The following MAPK10 variants were observed in gnomAD, a reference collection of about 807,000 sequenced individuals.
MAPK10 encodes mitogen-activated protein kinase 10, also known as JNK3 alpha protein kinase.
MAPK10 carries 25 observed loss-of-function variants against 59.3 expected under a neutral mutation model. That is an observed-to-expected ratio of 0.42 (90% CI 0.31 to 0.59). The LOEUF is 0.59. Among genes scored for constraint, MAPK10 ranks in the 20% least tolerant of loss-of-function variants. MAPK10 has a pLI of 0.15. For synonymous variants in MAPK10, 190 were observed against 200.5 expected (o/e 0.95, Z 0.44); for missense variants, 351 against 568.9 (o/e 0.62, Z 3.90).
intron 1 of MAPK10, among the ~76,000 whole-genome samples, chr4:86,496,664 T>A (rs1643148850): frequency 6.6e-6 from 1 of 152,172 alleles, no homozygotes; most frequent in African/African-American, 2.4e-5. Context: ...AAGAATGCAG[T>A]ACCCCAACTC....
intron 3 of MAPK10, among the ~76,000 whole-genome samples, chr4:86,184,987 C>G (rs1455222673): frequency 6.6e-6 from 1 of 152,086 alleles, no homozygotes; most frequent in African/African-American, 2.4e-5. Context: ...AAATGTTCAA[C>G]AACTGGCTGG....
At chr4:86,051,405 C>G (rs1187795171) in intron 11 of MAPK10, among the ~76,000 whole-genome samples, 1 of 152,168 alleles carries the variant, frequency 6.6e-6, no homozygotes, top group Non-Finnish European at 1.5e-5. Flanking sequence ...AGCCTTTTCC[C>G]TGAATCTGAA....
chr4:86,547,991 C>A (rs1336800081), intron 1 of MAPK10, among the ~76,000 whole-genome samples: 1 of 152,164 alleles, frequency 6.6e-6, no homozygotes, highest in Non-Finnish European at 1.5e-5. Context: ...TGGAGCCAGA[C>A]AAGAGAATAA....
chr4:86,498,183 G>T (rs185054825), intron 1 of MAPK10, among the ~76,000 whole-genome samples: 3 of 152,322 alleles, frequency 2.0e-5, no homozygotes, highest in East Asian at 3.9e-4. Flanking sequence ...TCTCAAAAGT[G>T]TCTTGGTTTG....
intron 1 of MAPK10, among the ~76,000 whole-genome samples, chr4:86,372,520 AAAAG>A (rs71598410): frequency 5.4e-4 from 49 of 90,048 alleles, no homozygotes; most frequent in African/African-American, 1.5e-3. Context: ...CATCTCAAAC[AAAAG>A]AAAGAAAGAA....
chr4:86,568,404 A>G (rs1761214740), intron 1 of MAPK10, among the ~76,000 whole-genome samples: 1 of 151,440 alleles, frequency 6.6e-6, no homozygotes, highest in African/African-American at 2.4e-5. Flanking sequence ...TAAACTACCA[A>G]TGTCATTCTT....
intron 2 of MAPK10, among the ~76,000 whole-genome samples, chr4:86,352,555 G>T (rs919338020): frequency 6.6e-6 from 1 of 152,112 alleles, no homozygotes; most frequent in African/African-American, 2.4e-5. Context: ...GAAAAGCAAG[G>T]TAATGTGCAT....
chr4:86,284,594 T>C (rs1360826994), intron 2 of MAPK10, among the ~76,000 whole-genome samples: 1 of 152,204 alleles, frequency 6.6e-6, no homozygotes, highest in Non-Finnish European at 1.5e-5. Flanking sequence ...ACCGGCCTCA[T>C]AGGTTATTAT....
chr4:86,380,837 T>G (rs1480245052), intron 1 of MAPK10, among the ~76,000 whole-genome samples: 1 of 143,932 alleles, frequency 6.9e-6, no homozygotes, highest in East Asian at 2.1e-4. Context: ...AATTTGTTTC[T>G]GTACTTTTTG....
intron 13 of MAPK10, chr4:86,024,579 C>T (rs538215442): frequency 1.3e-5 from 2 of 152,318 alleles, no homozygotes; most frequent in African/African-American, 4.8e-5. Context: ...TCCTGTCTTC[C>T]ACAATGTCTA....
chr4:86,214,511 TAAAAAAAAA>T (rs70948783), intron 2 of MAPK10, among the ~76,000 whole-genome samples: 12 of 75,976 alleles, frequency 1.6e-4, no homozygotes, highest in African/African-American at 5.7e-4. Flanking sequence ...TAAGATTCCT[TAAAAAAAAA>T]AAAAAAAAAA....
At chr4:86,148,890 C>CA (rs2065674743) in intron 4 of MAPK10, among the ~76,000 whole-genome samples, 2 of 151,986 alleles carry the variant, frequency 1.3e-5, no homozygotes. Flanking sequence ...AACGCAAGCA[C>CA]AAAGGAGGAA....
chr4:86,569,429 T>C (rs1270680481), intron 1 of MAPK10, among the ~76,000 whole-genome samples: 1 of 152,096 alleles, frequency 6.6e-6, no homozygotes, highest in Non-Finnish European at 1.5e-5. Flanking sequence ...TGCCATTTGA[T>C]CCAGTAATTC....
intron 2 of MAPK10, among the ~76,000 whole-genome samples, chr4:86,352,822 T>C (rs1732270252): frequency 6.6e-6 from 1 of 152,202 alleles, no homozygotes; most frequent in South Asian, 2.1e-4. Flanking sequence ...AATCTCCTAT[T>C]TAAAATCTTT....
intron 1 of MAPK10, among the ~76,000 whole-genome samples, chr4:86,394,106 A>C (rs888227423): frequency 1.1e-4 from 16 of 152,240 alleles, no homozygotes; most frequent in Middle Eastern, 3.4e-3. Context: ...CCCCATCTTT[A>C]CTAAAAACAC....
chr4:86,197,723 A>G (rs1048968777), intron 2 of MAPK10, among the ~76,000 whole-genome samples: 1 of 152,188 alleles, frequency 6.6e-6, no homozygotes, highest in East Asian at 1.9e-4. Context: ...AATGTTTTGC[A>G]TTGGAACTTC....
intron 2 of MAPK10, among the ~76,000 whole-genome samples, chr4:86,232,334 G>A (rs2091669110): frequency 6.6e-6 from 1 of 151,952 alleles, no homozygotes; most frequent in Non-Finnish European, 1.5e-5. Context: ...TTGTTCCCCT[G>A]GGACATTAAA....
chr4:86,267,641 C>T (rs1446552215), intron 2 of MAPK10, among the ~76,000 whole-genome samples: 2 of 152,084 alleles, frequency 1.3e-5, no homozygotes, highest in African/African-American at 2.4e-5. Context: ...TGCAGTTCCT[C>T]CAATAAGTCA....
chr4:86,114,963 T>A (rs1183616102), intron 4 of MAPK10, among the ~76,000 whole-genome samples: 2 of 152,238 alleles, frequency 1.3e-5, no homozygotes, highest in African/African-American at 4.8e-5. Context: ...CCACAGCCAC[T>A]GTGATGTGCT....
Sources: gnomAD v4.1 joint callset for allele counts (sites outside exome capture counted in the v4.1 genomes callset) on GRCh38, gnomAD v4.1.1 for gene constraint, MANE v1.5 for transcripts, NCBI Gene and HGNC (gene_info 2026-07-23, HGNC 2026-07-21) for gene names.